MAD1L1: variants seen among roughly 807,000 people sequenced by gnomAD.
MAD1L1 encodes mitotic spindle assembly checkpoint protein MAD1.
A neutral mutation model predicts 96.9 loss-of-function variants in MAD1L1; 95 were observed. The ratio of observed to expected loss-of-function variants is 0.98; its 90% CI spans 0.83 to 1.16. The LOEUF (loss-of-function observed/expected upper bound fraction) is 1.16, where lower values mean the gene tolerates loss of function less well. MAD1L1 is among the 50% of genes most tolerant of loss of function. The probability of loss-of-function intolerance (pLI) is 0.00; values close to 1 mark genes in which losing one functional copy is unlikely to be tolerated. For synonymous variants in MAD1L1, 473 were observed against 396.6 expected (o/e 1.19, Z -2.29); for missense variants, 1,007 against 954.4 (o/e 1.06, Z -0.73).
chr7:2,176,079 G>A (rs1218654738), intron 10 of MAD1L1, among the ~76,000 whole-genome samples: 1 of 152,168 alleles, frequency 6.6e-6, no homozygotes, highest in Non-Finnish European at 1.5e-5. Flanking sequence ...TGGGTGCGGT[G>A]GCTCACACCT....
At chr7:1,859,966 CCT>C (rs781304207) in intron 18 of MAD1L1, among the ~76,000 whole-genome samples, 1 of 150,480 alleles carries the variant, frequency 6.6e-6, no homozygotes, top group Non-Finnish European at 1.5e-5. Flanking sequence ...TGTGGGGCTG[CCT>C]CTGTCTCCCT....
intron 10 of MAD1L1, among the ~76,000 whole-genome samples, chr7:2,198,644 T>G (rs939128020): frequency 6.6e-6 from 1 of 152,220 alleles, no homozygotes; most frequent in Non-Finnish European, 1.5e-5. Context: ...CTCTCCAGGC[T>G]GCAGGCCAAC....
intron 11 of MAD1L1, among the ~76,000 whole-genome samples, chr7:2,129,917 G>T (rs975925945): frequency 6.6e-6 from 1 of 152,182 alleles, no homozygotes; most frequent in Non-Finnish European, 1.5e-5. Context: ...CATGGCACCC[G>T]CTGCCAGGAA....
rs1174144449 is a variant in MAD1L1, at chr7:1,936,907, C to T, written c.1597-10G>A. On this transcript the variant is annotated splice_polypyrimidine_tract_variant and intron_variant, in intron 16 of 18. Transcript: ENST00000265854. ...TCTGGTCATAGTCACCCTGCAGGAA[C>T]ACACACAGCACAGGTCACCATGGCC... The T allele has an allele frequency of 1.9e-6, 3 of 1,574,768 alleles. No individual in the cohort carries two copies. Among genetic ancestry groups the T allele is most frequent in the Non-Finnish European group, 2.6e-6 (3 of 1,157,698 alleles).
intron 15 of MAD1L1, among the ~76,000 whole-genome samples, chr7:1,979,867 CT>C (rs1340990916): frequency 2.6e-5 from 4 of 152,248 alleles, no homozygotes; most frequent in African/African-American, 9.6e-5. Context: ...GCGCCGCCCC[CT>C]GATGGAGGAC....
chr7:2,218,184 C>G, intron 6 of MAD1L1, 141 bp from the exon 7 acceptor site: 1 of 640,672 alleles, frequency 1.6e-6, no homozygotes, highest in East Asian at 2.8e-5. Context: ...CGGCACAGAC[C>G]CCCCGCCCCC....
intron 18 of MAD1L1, among the ~76,000 whole-genome samples, chr7:1,826,430 T>C (rs1446116656): frequency 6.6e-6 from 1 of 152,118 alleles, no homozygotes; most frequent in Non-Finnish European, 1.5e-5. Flanking sequence ...TGGATGCCCA[T>C]GGCCGGCCCA....
chr7:1,875,450 G>A (rs1785334777), intron 18 of MAD1L1, among the ~76,000 whole-genome samples: 1 of 152,192 alleles, frequency 6.6e-6, no homozygotes, highest in Admixed American at 6.5e-5. Flanking sequence ...TGACTTGGGG[G>A]CGGGTCTGCA....
intron 17 of MAD1L1, among the ~76,000 whole-genome samples, chr7:1,916,521 T>C (rs56229402): frequency 0.052 from 7,832 of 152,068 alleles, 296 homozygotes; most frequent in Admixed American, 0.1. Flanking sequence ...CGCCAGAGCA[T>C]GAGGCATGGC....
intron 9 of MAD1L1, among the ~76,000 whole-genome samples, chr7:2,214,115 A>G (rs1488357274): frequency 6.6e-6 from 1 of 152,238 alleles, no homozygotes. Context: ...GCATAGACTC[A>G]TGTGAGCCTC....
Position 2,230,059 on chromosome 7 carries a change from C to T in MAD1L1, c.75G>A (p.Val25=), listed in dbSNP as rs1363528074. The T allele has an allele frequency of 6.2e-7, 1 of 1,613,512 alleles. No homozygotes were observed. The highest frequency in any genetic ancestry group is 8.5e-7 in the Non-Finnish European group (1 of 1,179,772). ...AAATATCCAGTCCAGAGCCTCCCTC[C>T]ACACGCTGAGAGATGAAGTTGTTCA... ...RSLNNFISQR[V]EGGSGLDIST... Residue 25 remains valine (V), a synonymous_variant, in exon 3 of 19, where the codon GTG becomes GTA. Coordinates refer to ENST00000265854, the MANE Select transcript of MAD1L1 (RefSeq NM_001013836.2).
chr7:2,047,595 C>T (rs1041060420), intron 12 of MAD1L1, among the ~76,000 whole-genome samples: 7 of 152,206 alleles, frequency 4.6e-5, no homozygotes, highest in African/African-American at 1.7e-4. Flanking sequence ...CTTAATGTTC[C>T]ATGAGGGTCT....
chr7:2,226,096 CT>C (rs1213332565), intron 3 of MAD1L1, among the ~76,000 whole-genome samples: 1 of 152,234 alleles, frequency 6.6e-6, no homozygotes, highest in African/African-American at 2.4e-5. Flanking sequence ...TGCTATGTCT[CT>C]TGACTGCTCG....
rs2128560535 is a variant in MAD1L1 at position 2,119,761 on chromosome 7, C to T, written c.1073+29391G>A. The stretch of plus-strand genomic sequence containing the variant: ...GGACCCCTCAGCACAGTCCTGGCTG[C>T]ACCCATACAGCTCACACAGATGGCA... On this transcript the variant is annotated intron_variant, in intron 11 of 18. Transcript: ENST00000265854. This position sits in a 1 kb window ranked among gnomAD's most constrained non-coding sequence, Gnocchi z 4.6. Among the ~76,000 whole-genome samples the T allele has an allele frequency of 6.6e-6, 1 of 152,310 alleles. No individual in the cohort carries two copies.
chr7:1,956,612 AGCT>A (rs1779738864), intron 16 of MAD1L1, among the ~76,000 whole-genome samples: 1 of 147,066 alleles, frequency 6.8e-6, no homozygotes, highest in African/African-American at 2.5e-5. Context: ...GCCCTGGCAG[AGCT>A]CAGGAGAGGG....
At position 2,103,925 on chromosome 7, in the gene MAD1L1, C is replaced by T. The variant is rs1356042185; in HGVS notation, c.1074-34587G>A. Among the ~76,000 whole-genome samples the T allele has an allele frequency of 3.3e-5, 5 of 152,324 alleles. No homozygotes were observed. In the South Asian group the frequency reaches 6.2e-4, roughly 19 times the overall value. ...CCATACAACACTCCACCCCGCTGGACGTCGGAGAAAGAGGCCCCCAGACAC... is the reference window on the plus strand; with the variant it reads ...CCATACAACACTCCACCCCGCTGGATGTCGGAGAAAGAGGCCCCCAGACAC... On this transcript the variant is annotated intron_variant, in intron 11 of 18. Transcript: ENST00000265854. The surrounding 1 kb of genome is among the most constrained non-coding windows in gnomAD (Gnocchi z 4.3).
At chr7:2,134,600 T>A (rs1788666550) in intron 11 of MAD1L1, among the ~76,000 whole-genome samples, 1 of 152,362 alleles carries the variant, frequency 6.6e-6, no homozygotes, top group South Asian at 2.1e-4. Flanking sequence ...ACGGAAATAG[T>A]TGACAAGTAA....
At chr7:1,825,195 A>G (rs1562428966) in intron 18 of MAD1L1, among the ~76,000 whole-genome samples, 1 of 152,234 alleles carries the variant, frequency 6.6e-6, no homozygotes, top group Non-Finnish European at 1.5e-5. Context: ...CACTGCGGAC[A>G]CATGCAAGCC....
intron 12 of MAD1L1, among the ~76,000 whole-genome samples, chr7:2,042,578 G>A (rs1277796327): frequency 6.6e-6 from 1 of 152,188 alleles, no homozygotes; most frequent in African/African-American, 2.4e-5. Context: ...GGTGGAGGTG[G>A]GGCCTGGTGG....
Sources: gnomAD v4.1 joint callset for allele counts (sites outside exome capture counted in the v4.1 genomes callset) on GRCh38, gnomAD v4.1.1 for gene constraint, Gnocchi (gnomAD v3.1) non-coding constraint, MANE v1.5 for transcripts, NCBI Gene and HGNC (gene_info 2026-07-23, HGNC 2026-07-21) for gene names.